PLK3: variants seen among roughly 807,000 people sequenced by gnomAD.
PLK3 encodes the protein serine/threonine-protein kinase PLK3.
In PLK3, 41 loss-of-function variants were observed where a neutral mutation model predicts 71.6. The ratio of observed to expected loss-of-function variants is 0.57; its 90% CI spans 0.45 to 0.74. PLK3 has a LOEUF of 0.74. PLK3 is among the 30% of genes least tolerant of loss of function. The probability of loss-of-function intolerance (pLI) is 0.00; values close to 1 mark genes in which losing one functional copy is unlikely to be tolerated. For synonymous variants in PLK3, 366 were observed against 355.4 expected, an observed-to-expected ratio of 1.03 and a Z score of -0.33; for missense variants, 791 against 875.6, an observed-to-expected ratio of 0.90 and a Z score of 1.22.
At chr1:44,801,332 CCT>C (rs1018977191) in intron 3 of PLK3, among the ~76,000 whole-genome samples, 180 bp downstream of exon 3, 7 of 150,910 alleles carry the variant, frequency 4.6e-5, no homozygotes, top group African/African-American at 1.7e-4. Flanking sequence ...GCCTCAGCCT[CCT>C]GAGTAGCTGG....
intron 12 of PLK3, 43 bp from the exon 13 acceptor site, chr1:44,804,607 C>T: frequency 6.2e-7 from 1 of 1,605,788 alleles, no homozygotes; most frequent in Non-Finnish European, 8.5e-7. Context: ...AGAGGAGGGG[C>T]ATTGGTGCAG....
chr1:44,804,834 G>A (rs978633226), intron 13 of PLK3, 55 bp downstream of exon 13: 20 of 1,576,778 alleles, frequency 1.3e-5, no homozygotes, highest in Middle Eastern at 1.7e-4. Context: ...GGCCGGGTGC[G>A]GTGGCTCACG....
rs912456420 is a variant in PLK3, at chr1:44,805,369, G to A, written c.1739G>A (p.Gly580Asp). The A allele has an allele frequency of 6.2e-7, 1 of 1,613,178 alleles. No homozygotes were observed. The change falls in exon 14 of 15, where the codon GGC becomes GAC. Residue 580 changes from glycine to aspartate, a missense_variant. Gly to Asp is a moderately conservative substitution (Grantham distance 94). Coordinates refer to ENST00000372201, the MANE Select transcript of PLK3 (RefSeq NM_004073.4). ...DQALLMLFSD[G>D]TVQVNFYGDH... The stretch of plus-strand genomic sequence containing the variant: ...GCTCTCCTCATGCTGTTTAGTGATG[G>A]CACTGTCCAGGTAAGAGCCTATCCA...
rs767963385 is a variant in PLK3 at position 44,800,608 on chromosome 1, C to T, written c.145C>T (p.Pro49Ser). Reference sequence around the variant, plus strand: ...GCTGGCCGGGCTACCGACGTCAGACCCCGGGCGCCTCATCACGGACCCGCG... The same window carrying T: ...GCTGGCCGGGCTACCGACGTCAGACTCCGGGCGCCTCATCACGGACCCGCG... ...EMLAGLPTSD[P>S]GRLITDPRSG... Residue 49 changes from proline (P) to serine (S), a missense_variant, in exon 1 of 15, where the codon CCC becomes TCC. Physicochemically the swap from Pro to Ser is moderately conservative, Grantham distance 74. Coordinates refer to ENST00000372201, the MANE Select transcript of PLK3 (RefSeq NM_004073.4). This position sits in a 1 kb window ranked among gnomAD's most constrained non-coding sequence, Gnocchi z 6.5. The T allele has an allele frequency of 2.6e-6, 4 of 1,539,876 alleles. No individual in the cohort carries two copies. The highest frequency in any genetic ancestry group is 2.4e-5 in the South Asian group (2 of 83,924).
At position 44,805,513 on chromosome 1, in the gene PLK3, G is replaced by A. The variant is rs1651997522; in HGVS notation, c.1776G>A (p.Lys592=). ...TGAACTTCTACGGGGACCACACCAA[G>A]CTGATTCTCAGTGGCTGGGAGCCCC... ...VQVNFYGDHT[K]LILSGWEPLL... Residue 592 remains lysine, a synonymous_variant, in exon 15 of 15, where the codon AAG becomes AAA. Transcript: ENST00000372201. The A allele has an allele frequency of 1.2e-6, 2 of 1,614,084 alleles. No homozygotes were observed. The highest frequency in any genetic ancestry group is 1.7e-6 in the Non-Finnish European group (2 of 1,180,010).
At position 44,805,806 on chromosome 1, in the gene PLK3, T is replaced by G. The variant is rs1225767994; in HGVS notation, c.*128T>G. The G allele has an allele frequency of 2.3e-6, 3 of 1,299,630 alleles. No individual in the cohort carries two copies. The highest frequency in any genetic ancestry group is 3.1e-6 in the Non-Finnish European group (3 of 963,352). The allele number at this position is 1,299,630 out of a possible 1,614,324, so 80.5% of individuals were successfully genotyped here. On this transcript the variant is annotated 3_prime_UTR_variant, in exon 15 of 15. Transcript: ENST00000372201. ...ATCCCCCAGGGAATCAGGGACCAGC[T>G]TTACTGGAGTTGGGGGCGGCTTGTC... is the stretch of plus-strand genomic sequence containing the variant.
At position 44,804,009 on chromosome 1, in the gene PLK3, G is replaced by C; in HGVS notation, c.1243G>C (p.Ala415Pro). The change falls in exon 10 of 15, where the codon GCA becomes CCA. Residue 415 changes from alanine (A) to proline (P), a missense_variant. By Grantham distance (27) the Ala-to-Pro change is conservative (BLOSUM62 -1). Coordinates refer to ENST00000372201, the MANE Select transcript of PLK3 (RefSeq NM_004073.4). ...AGACAGCTCACCCCGTGGGACACTG[G>C]CAAGCAGTGGAGATGGTGAGGAGCC... ...PEDSSPRGTLASSGDGFEEGL... is the reference protein window; with the variant it reads ...PEDSSPRGTLPSSGDGFEEGL... 1 of 1,554,332 alleles carries C rather than the reference G, an allele frequency of 6.4e-7. No homozygotes were observed. Among genetic ancestry groups the C allele is most frequent in the Non-Finnish European group, 8.7e-7 (1 of 1,146,844 alleles).
chr1:44,803,730 C>G lies in PLK3; in HGVS notation c.1164+39C>G, dbSNP rs776965167. 1.4e-6 allele frequency: 2 copies of G among 1,467,216 alleles called. No individual in the cohort carries two copies. The highest frequency in any genetic ancestry group is 9.5e-7 in the Non-Finnish European group (1 of 1,055,480). The allele number at this position is 1,467,216 out of a possible 1,614,324, so 90.9% of individuals were successfully genotyped here. Reference sequence around the variant, plus strand: ...GTGGACACTGTTCCCCTGACTCACCCCCACCCTAGCAGCTGAGGGAAGCCG... The same window carrying G: ...GTGGACACTGTTCCCCTGACTCACCGCCACCCTAGCAGCTGAGGGAAGCCG... On this transcript the variant is annotated intron_variant, in intron 9 of 14. Transcript: ENST00000372201. This position sits in a 1 kb window ranked among gnomAD's most constrained non-coding sequence, Gnocchi z 4.3.
intron 6 of PLK3, 21 bp from the exon 7 acceptor site, chr1:44,802,934 C>T (rs375094339): frequency 2.8e-5 from 45 of 1,613,144 alleles, no homozygotes; most frequent in Non-Finnish European, 3.3e-5. Flanking sequence ...TTACTCCTGA[C>T]CCCTTGGCCC....
rs34463102 is a variant in PLK3, at chr1:44,801,203, C to CTTTT, written c.435+72_435+75dup. 2.4e-3 allele frequency: 813 copies of CTTTT among 344,502 alleles called. 15 individuals are homozygous for CTTTT. Among genetic ancestry groups the CTTTT allele is most frequent in the Non-Finnish European group, 2.8e-3 (546 of 195,750 alleles). 21.3% of individuals were successfully genotyped at this position (344,502 alleles called of 1,614,324 possible). A position where few individuals can be genotyped will look rare whatever the true frequency, so the allele number is the denominator to read the frequency against. On this transcript the variant is annotated intron_variant, in intron 3 of 14. Transcript: ENST00000372201. The stretch of plus-strand genomic sequence containing the variant: ...ATGAGAGTGAGGGAGAGAAGACAGT[C>CTTTT]TTTTTTTTTTTTTTTTTTTTTTTTG...
Position 44,801,098 on chromosome 1 carries a change from C to A in PLK3, c.381C>A (p.His127Gln). 6.2e-7 allele frequency: 1 copy of A among 1,613,670 alleles called. No individual in the cohort carries two copies. Among genetic ancestry groups the A allele is most frequent in the Non-Finnish European group, 8.5e-7 (1 of 1,179,916 alleles). ...LQHRHIVRFSHHFEDADNIYI... is the reference protein window; with the variant it reads ...LQHRHIVRFSQHFEDADNIYI... ...ACCGCCACATCGTGCGTTTTTCGCA[C>A]CACTTTGAGGACGCTGACAACATCT... Residue 127 changes from histidine (H) to glutamine (Q), a missense_variant, in exon 3 of 15, where the codon CAC becomes CAA. By Grantham distance (24) the His-to-Gln change is conservative (BLOSUM62 0). Coordinates refer to ENST00000372201, the MANE Select transcript of PLK3 (RefSeq NM_004073.4).
rs1468733358 is a variant in PLK3, at chr1:44,800,928, A to G, written c.299A>G (p.Lys100Arg). The G allele has an allele frequency of 1.2e-6, 2 of 1,612,966 alleles. No homozygotes were observed. The highest frequency in any genetic ancestry group is 2.2e-5 in the South Asian group (2 of 91,070). The change falls in exon 2 of 15, where the codon AAG becomes AGG. Residue 100 changes from lysine (K) to arginine (R), a missense_variant. Transcript: ENST00000372201. This position sits in a 1 kb window ranked among gnomAD's most constrained non-coding sequence, Gnocchi z 6.5. The part of the protein sequence containing the change: ...VKVIPQSRVA[K>R]PHQREKILNE... Reference sequence around the variant, plus strand: ...GTCATCCCGCAGAGCCGCGTCGCCAAGCCGCATCAGCGCGAGAAGGTGGGT... The same window carrying G: ...GTCATCCCGCAGAGCCGCGTCGCCAGGCCGCATCAGCGCGAGAAGGTGGGT...
At chr1:44,805,172 T>G in intron 13 of PLK3, 94 bp from the exon 14 acceptor site, 1 of 797,898 alleles carries the variant, frequency 1.3e-6, no homozygotes, top group South Asian at 1.4e-5. Context: ...TTGGTGGTGG[T>G]TGGGGTTGCT....
chr1:44,803,918 C>T lies in PLK3; in HGVS notation c.1165-13C>T, dbSNP rs1302582916. ...GGGCCTGTGTCACTCCCTTTCCCTG[C>T]CCAACCCTCCAGGCTCCAGCAGCTT... On this transcript the variant is annotated splice_polypyrimidine_tract_variant and intron_variant, in intron 9 of 14. Transcript: ENST00000372201. The surrounding 1 kb of genome is among the most constrained non-coding windows in gnomAD (Gnocchi z 4.3). The T allele has an allele frequency of 6.5e-7, 1 of 1,540,476 alleles. No individual in the cohort carries two copies.
intron 3 of PLK3, 145 bp downstream of exon 3, chr1:44,801,297 C>T (rs1484508262): frequency 3.6e-5 from 22 of 617,342 alleles, no homozygotes; most frequent in Non-Finnish European, 6.1e-5. Flanking sequence ...GCAATCTCTG[C>T]CTCCCGGGTT....
chr1:44,800,808 GGAACAACCAGC>G lies in PLK3; in HGVS notation c.211-31_211-21del. On this transcript the variant is annotated intron_variant, in intron 1 of 14. Coordinates refer to ENST00000372201, the MANE Select transcript of PLK3 (RefSeq NM_004073.4). This position sits in a 1 kb window ranked among gnomAD's most constrained non-coding sequence, Gnocchi z 6.5. ...CCCGCGGGCCAGACTCGGCCCCCCTGGAACAACCAGCCTGATGCCCCCTCTTCACAGGGGGG... is the reference window on the plus strand; with the variant it reads ...CCCGCGGGCCAGACTCGGCCCCCCTGCTGATGCCCCCTCTTCACAGGGGGG... 1 of 1,591,708 alleles carries G rather than the reference GGAACAACCAGC, an allele frequency of 6.3e-7. No homozygotes were observed. The highest frequency in any genetic ancestry group is 8.5e-7 in the Non-Finnish European group (1 of 1,169,932).
chr1:44,804,606 G>T, intron 12 of PLK3, 44 bp from the exon 13 acceptor site: 1 of 1,605,906 alleles, frequency 6.2e-7, no homozygotes. Flanking sequence ...CAGAGGAGGG[G>T]CATTGGTGCA....
In PLK3 at chr1:44,800,677, G is replaced by T; in HGVS notation, c.210+4G>T. ...CAAAGGCCGCTTGTTGGGCAAGGTG[G>T]GCCGAGGGACGTCCGCGGGGTGGTG... On this transcript the variant is annotated splice_donor_region_variant and intron_variant, in intron 1 of 14. Transcript: ENST00000372201. The surrounding 1 kb of genome is among the most constrained non-coding windows in gnomAD (Gnocchi z 6.5). 6.4e-7 allele frequency: 1 copy of T among 1,552,036 alleles called. No homozygotes were observed. The highest frequency in any genetic ancestry group is 8.7e-7 in the Non-Finnish European group (1 of 1,153,370).
At chr1:44,805,035 C>T (rs2148856915) in intron 13 of PLK3, 1 of 577,148 alleles carries the variant, frequency 1.7e-6, no homozygotes, top group Non-Finnish European at 3.1e-6. Context: ...ACCCAGGAGG[C>T]GGAGCTTGCA....
Sources: allele counts gnomAD v4.1 joint callset (sites outside exome capture counted in the v4.1 genomes callset), GRCh38; gene constraint gnomAD v4.1.1; non-coding constraint Gnocchi (gnomAD v3.1); transcripts MANE v1.5; gene names NCBI Gene and HGNC (gene_info 2026-07-23, HGNC 2026-07-21).